Variants in ANO2 observed in about 807,000 individuals in gnomAD.
The protein encoded by ANO2 is anoctamin-2.
Under a neutral mutation model 124.2 loss-of-function variants are expected in ANO2, and 101 were observed. The observed-to-expected ratio is 0.81, with a 90% CI of 0.69 to 0.96. The LOEUF is 0.96. Among genes scored for constraint, ANO2 ranks in the 40% least tolerant of loss-of-function variants. The pLI, the probability that ANO2 is intolerant of heterozygous loss-of-function variation, is 0.00. For synonymous variants in ANO2, 486 were observed against 482.5 expected (o/e 1.01, Z -0.09); for missense variants, 1,293 against 1,274.5 (o/e 1.01, Z -0.22).
intron 14 of ANO2, among the ~76,000 whole-genome samples, chr12:5,724,692 ATT>A (rs1950364181): frequency 6.6e-6 from 1 of 152,202 alleles, no homozygotes; most frequent in Non-Finnish European, 1.5e-5. Context: ...TGAGCAGTAA[ATT>A]AACACCCCTC....
intron 19 of ANO2, among the ~76,000 whole-genome samples, chr12:5,605,619 C>T (rs372292903): frequency 2.8e-4 from 43 of 152,258 alleles, no homozygotes; most frequent in East Asian, 1.4e-3. Flanking sequence ...AATTTTGCTT[C>T]GATGTGGACC....
chr12:5,722,370 A>G (rs1950265703), intron 14 of ANO2, among the ~76,000 whole-genome samples: 1 of 152,076 alleles, frequency 6.6e-6, no homozygotes, highest in Non-Finnish European at 1.5e-5. Flanking sequence ...AGCCGGGCGC[A>G]GTGGCGGGCG....
chr12:5,922,876 T>G (rs1941781724), intron 1 of ANO2, 72 bp from the exon 2 acceptor site: 2 of 1,383,182 alleles, frequency 1.4e-6, no homozygotes, highest in Non-Finnish European at 1.9e-6. Flanking sequence ...AGGTACTGAG[T>G]GTACTCAGAC....
intron 4 of ANO2, among the ~76,000 whole-genome samples, chr12:5,843,454 G>C (rs1442132671): frequency 6.6e-6 from 1 of 152,058 alleles, no homozygotes; most frequent in Non-Finnish European, 1.5e-5. Context: ...GGAGGCTGCG[G>C]TATGAGAATT....
At chr12:5,701,516 A>T (rs1298828843) in intron 14 of ANO2, among the ~76,000 whole-genome samples, 2 of 152,128 alleles carry the variant, frequency 1.3e-5, no homozygotes, top group African/African-American at 4.8e-5. Flanking sequence ...TCCTTCATTC[A>T]AGTCCTCTGA....
intron 19 of ANO2, among the ~76,000 whole-genome samples, chr12:5,604,616 G>T (rs1944118763): frequency 6.6e-6 from 1 of 152,140 alleles, no homozygotes; most frequent in African/African-American, 2.4e-5. Context: ...GGCTACGGGA[G>T]GGGCTTTGTG....
At chr12:5,563,682 G>T in intron 24 of ANO2, 114 bp from the exon 25 acceptor site, 1 of 1,355,132 alleles carries the variant, frequency 7.4e-7, no homozygotes, top group East Asian at 2.3e-5. Flanking sequence ...TACCAGCCCA[G>T]TGATCGCAAC....
chr12:5,564,289 G>A (rs1309689452), intron 24 of ANO2, among the ~76,000 whole-genome samples: 2 of 152,210 alleles, frequency 1.3e-5, no homozygotes, highest in African/African-American at 4.8e-5. Flanking sequence ...CTTTGCTGGT[G>A]CACACAGTAG....
intron 3 of ANO2, among the ~76,000 whole-genome samples, chr12:5,899,567 T>A (rs1200595570): frequency 6.6e-6 from 1 of 152,248 alleles, no homozygotes; most frequent in Non-Finnish European, 1.5e-5. Flanking sequence ...AATATATACA[T>A]TTGGCATGGA....
At chr12:5,794,404 C>T (rs1000971151) in intron 10 of ANO2, among the ~76,000 whole-genome samples, 7 of 152,180 alleles carry the variant, frequency 4.6e-5, no homozygotes, top group African/African-American at 1.7e-4. Flanking sequence ...CACTCCCAGT[C>T]AACAGTGAGG....
rs77182290 is a variant in ANO2, at chr12:5,602,989, A to G, written c.2088-3360T>C. 2.0e-5 allele frequency among the ~76,000 whole-genome samples: 3 copies of G among 152,366 alleles called. No individual in the cohort carries two copies. The East Asian group carries it at 5.8e-4, about 29-fold the overall frequency. On this transcript the variant is annotated intron_variant, in intron 19 of 24. Coordinates refer to ENST00000682330, the MANE Select transcript of ANO2 (RefSeq NM_001364791.2). ...TTTAAGTATGCAAGGTTTCAAAAAA[A>G]TGAACTTTTTATGCATGCATCCATT... is the stretch of plus-strand genomic sequence containing the variant.
intron 20 of ANO2, among the ~76,000 whole-genome samples, chr12:5,599,089 G>A (rs1350649009): frequency 6.6e-6 from 1 of 152,180 alleles, no homozygotes; most frequent in African/African-American, 2.4e-5. Flanking sequence ...TACTTTCCAT[G>A]AAGGAAGACT....
intron 14 of ANO2, among the ~76,000 whole-genome samples, chr12:5,648,570 GA>G (rs1176418955): frequency 3.9e-5 from 6 of 152,182 alleles, no homozygotes. Context: ...TTTGGTGGGG[GA>G]CAGGGGAGGG....
intron 3 of ANO2, among the ~76,000 whole-genome samples, chr12:5,905,437 A>G (rs1940607226): frequency 6.6e-6 from 1 of 152,202 alleles, no homozygotes; most frequent in Non-Finnish European, 1.5e-5. Flanking sequence ...CTTATTACTA[A>G]TAACTTCAAA....
At position 5,634,350 on chromosome 12, in the gene ANO2, C is replaced by T. The variant is rs141281195; in HGVS notation, c.1816+802G>A. Among the ~76,000 whole-genome samples, 19 of 152,272 alleles carry T rather than the reference C, an allele frequency of 1.2e-4. No homozygotes were observed. In the East Asian group the frequency reaches 1.9e-3, roughly 15 times the overall value. On this transcript the variant is annotated intron_variant, in intron 16 of 24. Transcript: ENST00000682330. ...GGGTCCATGAATTAAAGGCATCATA[C>T]GTACTATGAATGCAACCTCCGTATG...
chr12:5,875,807 T>C (rs890959370), intron 3 of ANO2, among the ~76,000 whole-genome samples: 53 of 151,048 alleles, frequency 3.5e-4, no homozygotes, highest in Middle Eastern at 3.2e-3. Flanking sequence ...AGATGATAAG[T>C]CCTAGGCTAC....
At chr12:5,784,837 C>T in intron 10 of ANO2, among the ~76,000 whole-genome samples, 1 of 152,196 alleles carries the variant, frequency 6.6e-6, no homozygotes, top group East Asian at 1.9e-4. Context: ...CCTGGAAAAA[C>T]ATCAACTGGA....
intron 4 of ANO2, among the ~76,000 whole-genome samples, chr12:5,837,040 C>T (rs975434018): frequency 6.6e-6 from 1 of 152,172 alleles, no homozygotes; most frequent in Non-Finnish European, 1.5e-5. Flanking sequence ...CAGTTGCTGT[C>T]ACTGGAGGAG....
chr12:5,791,099 C>A (rs1315934742), intron 10 of ANO2, among the ~76,000 whole-genome samples: 1 of 152,092 alleles, frequency 6.6e-6, no homozygotes, highest in Non-Finnish European at 1.5e-5. Context: ...TCTACAAGCT[C>A]CCCCACCCAA....
Sources: allele counts gnomAD v4.1 joint callset (sites outside exome capture counted in the v4.1 genomes callset), GRCh38; gene constraint gnomAD v4.1.1; transcripts MANE v1.5; gene names NCBI Gene and HGNC (gene_info 2026-07-23, HGNC 2026-07-21).